CTSD: variants seen among roughly 807,000 people sequenced by gnomAD.
CTSD encodes the protein ceroid-lipofuscinosis, neuronal 10.
In CTSD, 28 loss-of-function variants were observed where a neutral mutation model predicts 43.6. The observed-to-expected ratio is 0.64, with a 90% CI of 0.48 to 0.88. The LOEUF (loss-of-function observed/expected upper bound fraction) is 0.88. CTSD is among the 40% of genes least tolerant of loss of function. The pLI is 0.00. For missense variants in CTSD, 485 were observed against 555.2 expected (o/e 0.87, Z 1.27); for synonymous variants, 270 against 249.8 (o/e 1.08, Z -0.76).
At position 1,753,993 on chromosome 11, in the gene CTSD, C is replaced by T; in HGVS notation, c.972+1G>A. ...CCCCAGCCCCAGCCCCCGGCGCTCA[C>T]CTCGCCCTGAATCAGCGGCACGGCC... is the stretch of plus-strand genomic sequence containing the variant. On this transcript the variant is annotated splice_donor_variant, in intron 7 of 8. Coordinates refer to ENST00000236671, the MANE Select transcript of CTSD (RefSeq NM_001909.5). LOFTEE classifies it high-confidence loss of function. 6.2e-7 allele frequency: 1 copy of T among 1,606,154 alleles called. No individual in the cohort carries two copies. The highest frequency in any genetic ancestry group is 2.2e-5 in the East Asian group (1 of 44,668).
chr11:1,754,235 A>C, intron 6 of CTSD, 97 bp from the exon 7 acceptor site: 1 of 1,407,586 alleles, frequency 7.1e-7, no homozygotes, highest in Non-Finnish European at 9.7e-7. Context: ...GCTGGGCTGC[A>C]CTCTCCTCCC....
Position 1,753,684 on chromosome 11 carries a change from G to A in CTSD, c.1072-14C>T. 6.2e-7 allele frequency: 1 copy of A among 1,612,454 alleles called. No homozygotes were observed. Among genetic ancestry groups the A allele is most frequent in the Non-Finnish European group, 8.5e-7 (1 of 1,179,730 alleles). Reference sequence around the variant, plus strand: ...GGCCTGCGACACCTGGGACGGCCCTGGTGGTCAGTACCCAGGCCTAGCACC... The same window carrying A: ...GGCCTGCGACACCTGGGACGGCCCTAGTGGTCAGTACCCAGGCCTAGCACC... On this transcript the variant is annotated splice_polypyrimidine_tract_variant and intron_variant, in intron 8 of 8. Transcript: ENST00000236671.
At chr11:1,760,198 C>T (rs1402805854) in intron 2 of CTSD, 3 of 153,290 alleles carry the variant, frequency 2.0e-5, no homozygotes, top group Admixed American at 1.9e-4. Flanking sequence ...GTAAGCCTTA[C>T]AATCACTGCC....
At chr11:1,760,121 C>T (rs1198341626) in intron 2 of CTSD, among the ~76,000 whole-genome samples, 3 of 152,186 alleles carry the variant, frequency 2.0e-5, no homozygotes, top group Non-Finnish European at 4.4e-5. Context: ...CCTGCCCTGC[C>T]CTCCAGGGTG....
chr11:1,753,733 G>A (rs538944121), intron 8 of CTSD, 63 bp from the exon 9 acceptor site: 7 of 1,606,750 alleles, frequency 4.4e-6, no homozygotes, highest in African/African-American at 4.0e-5. Flanking sequence ...CCTGTTGCCC[G>A]CTCACCTGGA....
intron 1 of CTSD, 60 bp downstream of exon 1, chr11:1,763,732 C>A: frequency 6.9e-7 from 1 of 1,448,610 alleles, no homozygotes; most frequent in Non-Finnish European, 9.2e-7. Context: ...CACCACAGGC[C>A]CCGGGACCTC....
intron 4 of CTSD, chr11:1,757,896 G>T (rs1432996066): frequency 5.2e-5 from 21 of 404,182 alleles, no homozygotes; most frequent in Middle Eastern, 7.7e-4. Flanking sequence ...CCTCAGCGCT[G>T]GGAACAAGAC....
intron 1 of CTSD, among the ~76,000 whole-genome samples, chr11:1,763,296 C>G (rs766920794): frequency 6.6e-6 from 1 of 152,080 alleles, no homozygotes; most frequent in Non-Finnish European, 1.5e-5. Flanking sequence ...GAGGGGTCTC[C>G]CAGCCCAGGG....
intron 6 of CTSD, 40 bp downstream of exon 6, chr11:1,754,866 C>T (rs761311625): frequency 1.2e-6 from 2 of 1,612,934 alleles, no homozygotes; most frequent in African/African-American, 2.7e-5. Flanking sequence ...ACCGCCCCCG[C>T]CCACAGAACC....
In CTSD at chr11:1,763,861, G is replaced by C; in HGVS notation, c.-2C>G. On this transcript the variant is annotated 5_prime_UTR_variant, in exon 1 of 9. Transcript: ENST00000236671. ...CGGCAGAAGGCTGGAGGGCTGCATG[G>C]CGGCGGCGGCCGGGTCGGAGAGGGT... The C allele has an allele frequency of 1.3e-6, 2 of 1,522,842 alleles. No individual in the cohort carries two copies. Among genetic ancestry groups the C allele is most frequent in the Non-Finnish European group, 1.8e-6 (2 of 1,140,570 alleles). The allele number at this position is 1,522,842 out of a possible 1,614,324, so 94.3% of individuals were successfully genotyped here.
Position 1,753,505 on chromosome 11 carries a change from A to G in CTSD, c.1237T>C (p.Ter413GlnextTer174). The G allele has an allele frequency of 6.2e-7, 1 of 1,612,906 alleles. No homozygotes were observed. The highest frequency in any genetic ancestry group is 8.5e-7 in the Non-Finnish European group (1 of 1,179,896). ...CTGGCGCGCGGACGCCTTGGGAACTAGAGGCGGGCAGCCTCGGCGAAGCCC... is the reference window on the plus strand; with the variant it reads ...CTGGCGCGCGGACGCCTTGGGAACTGGAGGCGGGCAGCCTCGGCGAAGCCC... The part of the protein sequence containing the change: ...RVGFAEAARL[*>Q] Residue 413 changes from the stop codon to glutamine (Q), a stop_lost, in exon 9 of 9, where the codon TAG (stop) becomes CAG (glutamine). Transcript: ENST00000236671.
chr11:1,761,482 G>A lies in CTSD; in HGVS notation c.69-14C>T, dbSNP rs1262724171. 1 of 1,613,692 alleles carries A rather than the reference G, an allele frequency of 6.2e-7. No homozygotes were observed. The highest frequency in any genetic ancestry group is 1.7e-5 in the Admixed American group (1 of 60,018). On this transcript the variant is annotated splice_polypyrimidine_tract_variant and intron_variant, in intron 1 of 8. Coordinates refer to ENST00000236671, the MANE Select transcript of CTSD (RefSeq NM_001909.5). ...TGCAGCGGGATCCTGTCAACCACGG[G>A]TCGGGGCATATCAGGGAGGCCCTCC... is the stretch of plus-strand genomic sequence containing the variant.
chr11:1,755,156 A>C lies in CTSD; in HGVS notation c.705-128T>G, dbSNP rs1845794923. 4 of 1,103,350 alleles carry C rather than the reference A, an allele frequency of 3.6e-6. No individual in the cohort carries two copies. The South Asian group carries it at 5.1e-5, about 14-fold the overall frequency. 68.3% of individuals were successfully genotyped at this position (1,103,350 alleles called of 1,614,324 possible). A position where few individuals can be genotyped will look rare whatever the true frequency, so the allele number is the denominator to read the frequency against. On this transcript the variant is annotated intron_variant, in intron 5 of 8. Transcript: ENST00000236671. The stretch of plus-strand genomic sequence containing the variant: ...GAAGGAGGGGCCTTTCTGAAACTGC[A>C]GGGATGGAAAGGCCCAGAAGGCAGG...
intron 1 of CTSD, chr11:1,762,446 C>T (rs938491347): frequency 6.6e-6 from 1 of 152,220 alleles, no homozygotes; most frequent in Non-Finnish European, 1.5e-5. Context: ...CTTTTAATCA[C>T]TTAAATAAAA....
At chr11:1,753,971 C>T (rs754501335) in intron 7 of CTSD, 23 bp downstream of exon 7, 28 of 1,606,676 alleles carry the variant, frequency 1.7e-5, no homozygotes, top group Non-Finnish European at 2.4e-5. Flanking sequence ...GCCCCAGCCC[C>T]AGCCCCAGCC....
At chr11:1,763,282 T>C (rs1349257472) in intron 1 of CTSD, among the ~76,000 whole-genome samples, 1 of 151,880 alleles carries the variant, frequency 6.6e-6, no homozygotes, top group Non-Finnish European at 1.5e-5. Flanking sequence ...ACTCCTAGGG[T>C]CTCGAGGGGT....
chr11:1,758,244 G>A (rs1302325235), intron 4 of CTSD, among the ~76,000 whole-genome samples: 1 of 152,170 alleles, frequency 6.6e-6, no homozygotes, highest in African/African-American at 2.4e-5. Context: ...GGAGGAAGGG[G>A]CCCTCTTCCC....
In CTSD at chr11:1,753,190, G is replaced by GC. The variant is rs1355414796; in HGVS notation, c.*312dup. 4.6e-6 allele frequency: 2 copies of GC among 432,562 alleles called. No individual in the cohort carries two copies. Among genetic ancestry groups the GC allele is most frequent in the East Asian group, 4.8e-5 (1 of 20,636 alleles). The allele number at this position is 432,562 out of a possible 1,614,324, so 26.8% of individuals were successfully genotyped here. On this transcript the variant is annotated 3_prime_UTR_variant, in exon 9 of 9. Coordinates refer to ENST00000236671, the MANE Select transcript of CTSD (RefSeq NM_001909.5). ...AGGGGACTCCCTGGAGATGAAGGGA[G>GC]CCCCAGGATACACGAGCTCGGCTGC...
intron 8 of CTSD, 62 bp from the exon 9 acceptor site, chr11:1,753,732 C>A: frequency 6.2e-7 from 1 of 1,608,750 alleles, no homozygotes; most frequent in Admixed American, 1.7e-5. Context: ...ACCTGTTGCC[C>A]GCTCACCTGG....
Sources: gnomAD v4.1 joint callset for allele counts (sites outside exome capture counted in the v4.1 genomes callset) on GRCh38, gnomAD v4.1.1 for gene constraint, MANE v1.5 for transcripts, NCBI Gene and HGNC (gene_info 2026-07-23, HGNC 2026-07-21) for gene names.